Variants in SCARA5 observed in about 807,000 individuals in gnomAD.
SCARA5 encodes scavenger receptor class A member 5, also known as scavenger receptor class A, member 5 (putative).
In SCARA5, 45 loss-of-function variants were observed where a neutral mutation model predicts 46.3. The observed-to-expected ratio is 0.97, with a 90% CI of 0.76 to 1.24. SCARA5 has a LOEUF of 1.24. SCARA5 is among the 50% of genes most tolerant of loss of function. SCARA5 has a pLI of 0.00. For missense variants in SCARA5, 680 were observed against 689.0 expected, an observed-to-expected ratio of 0.99 and a Z score of 0.15; for synonymous variants, 333 against 306.5, an observed-to-expected ratio of 1.09 and a Z score of -0.90.
intron 8 of SCARA5, among the ~76,000 whole-genome samples, chr8:27,878,672 A>T (rs28433814): frequency 7.2e-4 from 110 of 152,360 alleles, no homozygotes; most frequent in African/African-American, 2.6e-3. Context: ...ACAGCCCAGC[A>T]GAGTGGTTCA....
intron 3 of SCARA5, among the ~76,000 whole-genome samples, chr8:27,960,177 CT>C (rs11299595): frequency 0.39 from 57,160 of 144,900 alleles, 11,406 homozygotes; most frequent in South Asian, 0.55. Context: ...TTCTGGAGCA[CT>C]TTTTTTTTTT....
chr8:27,965,090 C>T (rs780793549), intron 3 of SCARA5, among the ~76,000 whole-genome samples: 23 of 152,132 alleles, frequency 1.5e-4, no homozygotes, highest in Admixed American at 2.0e-4. Flanking sequence ...GAGGTTCTCT[C>T]GTTGTTGCTG....
chr8:27,950,556 G>A (rs1444731897), intron 3 of SCARA5, among the ~76,000 whole-genome samples: 1 of 152,172 alleles, frequency 6.6e-6, no homozygotes, highest in Non-Finnish European at 1.5e-5. Flanking sequence ...TGAGGCTTTG[G>A]GGAAGGGAAT....
At chr8:27,975,537 C>T (rs1306798231) in intron 2 of SCARA5, among the ~76,000 whole-genome samples, 1 of 152,150 alleles carries the variant, frequency 6.6e-6, no homozygotes, top group Non-Finnish European at 1.5e-5. Context: ...CCACCAGGTG[C>T]ATCGCATCAG....
intron 2 of SCARA5, among the ~76,000 whole-genome samples, chr8:27,973,567 T>G (rs1480398770): frequency 6.6e-6 from 1 of 152,202 alleles, no homozygotes. Context: ...GCAGGTAAAC[T>G]GTAGAAGCTA....
chr8:27,902,381 G>T (rs942906795), intron 7 of SCARA5, among the ~76,000 whole-genome samples: 9 of 152,066 alleles, frequency 5.9e-5, no homozygotes, highest in African/African-American at 2.2e-4. Context: ...TCACCTCCCT[G>T]CACCGTAGCT....
rs1438822872 is a variant in SCARA5, at chr8:27,879,562, G to T, written c.1351+7C>A. 3.1e-6 allele frequency: 5 copies of T among 1,604,448 alleles called. No individual in the cohort carries two copies. The highest frequency in any genetic ancestry group is 1.6e-4 in the Middle Eastern group (1 of 6,082). ...TCCTCATGTTTTTTGCCCTCAGAGC[G>T]CCTTACCTTGCCCGAATCGAGCTGT... On this transcript the variant is annotated splice_region_variant and intron_variant, in intron 8 of 8. Transcript: ENST00000354914.
intron 2 of SCARA5, among the ~76,000 whole-genome samples, chr8:27,971,414 A>AT (rs887407334): frequency 2.0e-5 from 3 of 152,200 alleles, no homozygotes; most frequent in African/African-American, 7.2e-5. Context: ...GGACTTATAA[A>AT]TTTGAAAACA....
chr8:27,900,641 C>T (rs561396608), intron 7 of SCARA5, among the ~76,000 whole-genome samples: 27 of 152,114 alleles, frequency 1.8e-4, no homozygotes, highest in African/African-American at 5.5e-4. Flanking sequence ...TTATATCCTG[C>T]TTTAAATTCA....
intron 7 of SCARA5, among the ~76,000 whole-genome samples, chr8:27,896,247 C>T (rs532029301): frequency 2.0e-5 from 3 of 152,296 alleles, no homozygotes; most frequent in East Asian, 1.9e-4. Flanking sequence ...TGCTGACATC[C>T]GTAAGGCACC....
At chr8:27,941,793 A>ACATCAT (rs772791600) in intron 3 of SCARA5, among the ~76,000 whole-genome samples, 7 of 122,084 alleles carry the variant, frequency 5.7e-5, no homozygotes, top group African/African-American at 1.6e-4. Flanking sequence ...ATCCCCATTT[A>ACATCAT]CATCATCATT....
chr8:27,926,483 A>T (rs1286637936), intron 3 of SCARA5, among the ~76,000 whole-genome samples: 5 of 152,166 alleles, frequency 3.3e-5, no homozygotes, highest in Non-Finnish European at 7.3e-5. Context: ...GCATTAGGAG[A>T]TATACCTAAT....
At chr8:27,933,299 A>C (rs563582070) in intron 3 of SCARA5, among the ~76,000 whole-genome samples, 15 of 152,184 alleles carry the variant, frequency 9.9e-5, no homozygotes, top group Admixed American at 4.6e-4. Context: ...AGGCGGGTGA[A>C]CCACCTAAGG....
intron 7 of SCARA5, among the ~76,000 whole-genome samples, chr8:27,897,782 A>G (rs1807089104): frequency 6.6e-6 from 1 of 152,212 alleles, no homozygotes; most frequent in Non-Finnish European, 1.5e-5. Flanking sequence ...CACGCCTCCC[A>G]AGTCCCACAC....
At chr8:27,932,297 T>G (rs1036803730) in intron 3 of SCARA5, among the ~76,000 whole-genome samples, 2 of 152,212 alleles carry the variant, frequency 1.3e-5, no homozygotes, top group South Asian at 2.1e-4. Context: ...CTTGCATTTT[T>G]GCTGTGCATG....
At chr8:27,991,890 T>C (rs1316273304) in intron 1 of SCARA5, among the ~76,000 whole-genome samples, 1 of 149,216 alleles carries the variant, frequency 6.7e-6, no homozygotes, top group Non-Finnish European at 1.5e-5. Context: ...CACACACACA[T>C]GCACACACAC....
At chr8:27,887,786 C>A (rs561559699) in intron 7 of SCARA5, among the ~76,000 whole-genome samples, 3 of 152,176 alleles carry the variant, frequency 2.0e-5, no homozygotes, top group Non-Finnish European at 4.4e-5. Context: ...AAAAGAAAAT[C>A]TTGAGTATCT....
chr8:27,961,275 A>C (rs1257526160), intron 3 of SCARA5, among the ~76,000 whole-genome samples: 1 of 152,152 alleles, frequency 6.6e-6, no homozygotes, highest in Non-Finnish European at 1.5e-5. Context: ...CATCCCCCTC[A>C]TGGTAATGAG....
intron 4 of SCARA5, among the ~76,000 whole-genome samples, chr8:27,916,393 A>C (rs2685328): frequency 3.3e-5 from 5 of 151,968 alleles, no homozygotes; most frequent in South Asian, 2.1e-4. Flanking sequence ...TTGTATGTGC[A>C]TATGTATACG....
Sources: allele counts gnomAD v4.1 joint callset (sites outside exome capture counted in the v4.1 genomes callset), GRCh38; gene constraint gnomAD v4.1.1; transcripts MANE v1.5; gene names NCBI Gene and HGNC (gene_info 2026-07-23, HGNC 2026-07-21).